Variants in PDE4C observed in about 807,000 individuals in gnomAD.
PDE4C encodes the protein phosphodiesterase 4C, also known as 3',5'-cyclic-AMP phosphodiesterase 4C.
PDE4C carries 50 observed loss-of-function variants against 63.9 expected under a neutral mutation model. The observed-to-expected ratio is 0.78, with a 90% CI of 0.62 to 0.99. The LOEUF is 0.99. Among genes scored for constraint, PDE4C ranks in the 50% least tolerant of loss-of-function variants. PDE4C has a pLI of 0.00. For synonymous variants in PDE4C, 377 were observed against 385.1 expected (o/e 0.98, Z 0.25); for missense variants, 777 against 899.1 (o/e 0.86, Z 1.74).
rs935841762 is a variant in PDE4C, at chr19:18,221,365, C to T, written c.339-68G>A. ...CCAGCTTTTTACCCACACCATATGC[C>T]CTCAACTGAGGGGGTCCTGCTCTCA... On this transcript the variant is annotated intron_variant, in intron 2 of 14. Coordinates refer to ENST00000262805, the Ensembl canonical transcript of PDE4C. The T allele has an allele frequency of 1.2e-5, 17 of 1,473,022 alleles. No homozygotes were observed. In the African/African-American group the frequency reaches 1.4e-4, roughly 12 times the overall value. 91.2% of individuals were successfully genotyped at this position (1,473,022 alleles called of 1,614,324 possible). A position where few individuals can be genotyped will look rare whatever the true frequency, so the allele number is the denominator to read the frequency against.
chr19:18,223,178 G>A (rs1968566512), intron 1 of PDE4C, among the ~76,000 whole-genome samples: 2 of 151,476 alleles, frequency 1.3e-5, no homozygotes, highest in African/African-American at 4.8e-5. Flanking sequence ...AAGTAGCTGG[G>A]ATTACAGGTG....
intron 14 of PDE4C, 91 bp downstream of exon 14, chr19:18,211,668 G>T: frequency 6.8e-7 from 1 of 1,466,164 alleles, no homozygotes; most frequent in Non-Finnish European, 9.5e-7. Flanking sequence ...TGGCTAGCCA[G>T]CCAGGGCCAA....
At chr19:18,215,145 A>G (rs557533064) in intron 12 of PDE4C, among the ~76,000 whole-genome samples, 3 of 151,820 alleles carry the variant, frequency 2.0e-5, no homozygotes, top group Non-Finnish European at 4.4e-5. Context: ...CACCTCACCA[A>G]ACGTTTAGTT....
chr19:18,228,703 G>A (rs965459527), upstream of PDE4C, among the ~76,000 whole-genome samples: 2 of 152,124 alleles, frequency 1.3e-5, no homozygotes, highest in Non-Finnish European at 2.9e-5. Context: ...CTGTTCGGAT[G>A]GAGAAAGAGT....
intron 1 of PDE4C, among the ~76,000 whole-genome samples, chr19:18,239,752 G>A (rs185131796): frequency 5.9e-5 from 9 of 152,176 alleles, no homozygotes; most frequent in East Asian, 3.9e-4. Flanking sequence ...CTGGCCAGGC[G>A]CGGTGGCTCA....
rs767755226 is a variant in PDE4C at position 18,211,914 on chromosome 19, C to G, written c.1540G>C (p.Asp514His). Residue 514 changes from aspartate to histidine, a missense_variant, in exon 14 of 15, where the codon GAT (aspartate) becomes CAT (histidine). By Grantham distance (81) the Asp-to-His change is moderately conservative. Coordinates refer to ENST00000262805, the Ensembl canonical transcript of PDE4C. ...AGCGGCTTGGTGGGGTTGCTCAGAT[C>G]AGCACAGTGCACCAGGTTCTGCAAG... 6 of 1,614,102 alleles carry G rather than the reference C, an allele frequency of 3.7e-6. No homozygotes were observed. The African/African-American group carries it at 6.7e-5, about 18-fold the overall frequency.
chr19:18,243,122 T>C (rs967520173), intron 1 of PDE4C, among the ~76,000 whole-genome samples: 14 of 152,062 alleles, frequency 9.2e-5, no homozygotes, highest in African/African-American at 3.4e-4. Context: ...TTTTTTTTCT[T>C]TCGAGACAGA....
At chr19:18,208,138 C>G (rs528643438), downstream of PDE4C, 31 of 152,178 alleles carry the variant, frequency 2.0e-4, no homozygotes, top group African/African-American at 7.5e-4. Context: ...AGTTCGTGAA[C>G]CCGGATGACT....
upstream of PDE4C, among the ~76,000 whole-genome samples, chr19:18,233,992 G>A (rs1480459630): frequency 2.0e-5 from 3 of 152,232 alleles, no homozygotes; most frequent in African/African-American, 7.2e-5. Context: ...GCCAGGCAGG[G>A]ATATGAGAAG....
upstream of PDE4C, chr19:18,226,546 G>T: frequency 1.8e-6 from 1 of 563,402 alleles, no homozygotes; most frequent in South Asian, 4.8e-5. Flanking sequence ...GCGGCTCCCT[G>T]ACGACCCCCG....
rs558112977 is a variant in PDE4C, at chr19:18,216,645, G to T, written c.1389+96C>A. 7 of 1,259,822 alleles carry T rather than the reference G, an allele frequency of 5.6e-6. No individual in the cohort carries two copies. In the Admixed American group the frequency reaches 9.2e-5, roughly 17 times the overall value. The allele number at this position is 1,259,822 out of a possible 1,614,324, so 78.0% of individuals were successfully genotyped here. ...CATGCCTGGGTCTGGATGAACCGCC[G>T]GCCATGCCAATATCACCCCACCCTG... On this transcript the variant is annotated intron_variant, in intron 12 of 14. Transcript: ENST00000262805.
At chr19:18,212,917 A>G (rs1204860278) in intron 13 of PDE4C, among the ~76,000 whole-genome samples, 1 of 138,416 alleles carries the variant, frequency 7.2e-6, no homozygotes, top group Non-Finnish European at 1.6e-5. Context: ...TGAACTCCTG[A>G]CCTCATGATC....
chr19:18,227,738 G>A (rs1968772449), upstream of PDE4C, among the ~76,000 whole-genome samples: 2 of 152,174 alleles, frequency 1.3e-5, no homozygotes, highest in Admixed American at 6.5e-5. Context: ...GCTGTGGAAT[G>A]ACCTCTGTCT....
At chr19:18,222,844 A>T (rs1393806411) in intron 1 of PDE4C, among the ~76,000 whole-genome samples, 1 of 149,460 alleles carries the variant, frequency 6.7e-6, no homozygotes, top group East Asian at 2.0e-4. Context: ...AGACTACAGG[A>T]GCATGCCCCA....
chr19:18,211,276 C>T (rs2147999473), exon 15 of PDE4C: 1 of 1,571,762 alleles, frequency 6.4e-7, no homozygotes, highest in Non-Finnish European at 8.7e-7. Flanking sequence ...ATGAAACCCA[C>T]CTGTGGCGGG....
intron 1 of PDE4C, chr19:18,224,112 C>T (rs1352988795): frequency 6.5e-6 from 5 of 773,524 alleles, no homozygotes; most frequent in Non-Finnish European, 7.9e-6. Flanking sequence ...CCTCCTCCCT[C>T]TCCACACTAC....
At chr19:18,218,424 G>C (rs1968304289) in exon 10 of PDE4C, 6 of 1,614,240 alleles carry the variant, frequency 3.7e-6, no homozygotes, top group Non-Finnish European at 4.2e-6. Flanking sequence ...TGGCGTGGTA[G>C]TGACCTTCCA....
At chr19:18,245,414 C>T (rs1191519372) in intron 1 of PDE4C, among the ~76,000 whole-genome samples, 1 of 149,384 alleles carries the variant, frequency 6.7e-6, no homozygotes, top group Non-Finnish European at 1.5e-5. Flanking sequence ...ATCCACCTGC[C>T]TCAGCCTCCC....
exon 9 of PDE4C, chr19:18,219,013 C>G: frequency 6.2e-7 from 1 of 1,613,304 alleles, no homozygotes; most frequent in Non-Finnish European, 8.5e-7. Flanking sequence ...CACATCAAGT[C>G]CCCACTTGTT....
Sources: gnomAD v4.1 joint callset for allele counts (sites outside exome capture counted in the v4.1 genomes callset) on GRCh38, gnomAD v4.1.1 for gene constraint, MANE v1.5 for transcripts, NCBI Gene and HGNC (gene_info 2026-07-23, HGNC 2026-07-21) for gene names.